BBX: variants seen among roughly 807,000 people sequenced by gnomAD.
BBX encodes BBX high mobility group box domain containing, also known as HMG box transcription factor BBX.
In BBX, 30 loss-of-function variants were observed where a neutral mutation model predicts 100.2. That is an observed-to-expected ratio of 0.30 (90% CI 0.22 to 0.41). BBX has a LOEUF of 0.41. BBX is among the 10% of genes least tolerant of loss of function. The probability of loss-of-function intolerance (pLI) is 1.00; values close to 1 mark genes in which losing one functional copy is unlikely to be tolerated. For synonymous variants in BBX, 376 were observed against 388.1 expected, an observed-to-expected ratio of 0.97 and a Z score of 0.37; for missense variants, 1,023 against 1,129.8, an observed-to-expected ratio of 0.91 and a Z score of 1.35.
chr3:107,742,818 A>G (rs902710237), intron 7 of BBX, among the ~76,000 whole-genome samples: 3 of 152,226 alleles, frequency 2.0e-5, no homozygotes, highest in Non-Finnish European at 2.9e-5. Context: ...GAAGTTTTAT[A>G]TAAGACCATC....
intron 12 of BBX, chr3:107,776,073 A>G (rs994569650): frequency 6.6e-6 from 1 of 152,136 alleles, no homozygotes; most frequent in South Asian, 2.1e-4. Context: ...GCAGAATATC[A>G]TTTTAAAATG....
At chr3:107,704,954 G>C (rs2061306957) in intron 3 of BBX, among the ~76,000 whole-genome samples, 1 of 152,146 alleles carries the variant, frequency 6.6e-6, no homozygotes, top group Admixed American at 6.6e-5. Flanking sequence ...GAAAATGGGA[G>C]ACTTTTAAGG....
chr3:107,687,630 A>T (rs867108984), intron 3 of BBX, among the ~76,000 whole-genome samples: 2 of 152,098 alleles, frequency 1.3e-5, no homozygotes, highest in Non-Finnish European at 2.9e-5. Flanking sequence ...CTGACATTGG[A>T]TCTATTTTTC....
At chr3:107,668,336 C>T (rs538844175) in intron 3 of BBX, among the ~76,000 whole-genome samples, 1 of 152,214 alleles carries the variant, frequency 6.6e-6, no homozygotes, top group South Asian at 2.1e-4. Flanking sequence ...ACATTATTGC[C>T]CTTAGGTTAA....
intron 1 of BBX, chr3:107,525,472 C>G (rs1301323257): frequency 1.3e-5 from 2 of 152,394 alleles, no homozygotes; most frequent in African/African-American, 4.8e-5. Flanking sequence ...GTTTAGCAGA[C>G]TTTTACGCCC....
intron 2 of BBX, among the ~76,000 whole-genome samples, chr3:107,615,764 T>G (rs1489436860): frequency 2.0e-5 from 3 of 152,138 alleles, no homozygotes; most frequent in Non-Finnish European, 4.4e-5. Context: ...ATACCTAGAT[T>G]GAGATATTCA....
intron 3 of BBX, among the ~76,000 whole-genome samples, chr3:107,665,423 T>A (rs1378362610): frequency 2.0e-5 from 3 of 152,186 alleles, no homozygotes; most frequent in Non-Finnish European, 2.9e-5. Flanking sequence ...TTTTGTATTC[T>A]ATCTTCTAAT....
chr3:107,648,551 T>C (rs1325807588), intron 3 of BBX, among the ~76,000 whole-genome samples: 1 of 152,118 alleles, frequency 6.6e-6, no homozygotes, highest in African/African-American at 2.4e-5. Context: ...AATATATTAA[T>C]CGTACTAGAT....
At chr3:107,661,910 A>G (rs1364799862) in intron 3 of BBX, 1 of 984,372 alleles carries the variant, frequency 1.0e-6, no homozygotes, top group Non-Finnish European at 1.2e-6. Flanking sequence ...TCACTGGGAT[A>G]TTGAGAAATA....
intron 13 of BBX, among the ~76,000 whole-genome samples, chr3:107,786,229 T>C (rs968728697): frequency 3.3e-5 from 5 of 152,146 alleles, no homozygotes; most frequent in Admixed American, 1.3e-4. Context: ...ATTGTTAAGA[T>C]GGAAACACTC....
chr3:107,731,062 T>C (rs1010685159), intron 6 of BBX, among the ~76,000 whole-genome samples: 1 of 152,198 alleles, frequency 6.6e-6, no homozygotes, highest in African/African-American at 2.4e-5. Context: ...GGGAAAGCTG[T>C]GTAGATTGTA....
intron 2 of BBX, among the ~76,000 whole-genome samples, chr3:107,629,805 C>G (rs1052376413): frequency 6.6e-5 from 10 of 152,176 alleles, no homozygotes; most frequent in African/African-American, 2.4e-4. Flanking sequence ...CCAACCACAT[C>G]TCTTCCTTAT....
At position 107,772,755 on chromosome 3, in the gene BBX, C is replaced by G. The variant is rs1457477142; in HGVS notation, c.1034C>G (p.Thr345Arg). Residue 345 changes from threonine to arginine, a missense_variant, in exon 11 of 18, where the codon ACA becomes AGA. Thr to Arg is a moderately conservative substitution (Grantham distance 71). This residue lies in a region of BBX where 348 missense variants were observed against 353.2 expected (regional missense o/e 0.99). Coordinates refer to ENST00000325805, the MANE Select transcript of BBX (RefSeq NM_001142568.3). ...GAAAAAGAAATTAAAATGGAGAAAA[C>G]AGATGAAACTAGGTTACAGAAGGAA... ...KEEKEIKMEK[T>R]DETRLQKEAE... The G allele has an allele frequency of 6.2e-7, 1 of 1,612,572 alleles. No homozygotes were observed. Among genetic ancestry groups the G allele is most frequent in the Non-Finnish European group, 8.5e-7 (1 of 1,179,658 alleles).
intron 13 of BBX, among the ~76,000 whole-genome samples, chr3:107,786,493 C>T (rs377520235): frequency 6.6e-6 from 1 of 152,070 alleles, no homozygotes; most frequent in Non-Finnish European, 1.5e-5. Context: ...TGTCATAAAC[C>T]TGACATTTTT....
At chr3:107,566,247 T>A (rs1260464686) in intron 2 of BBX, among the ~76,000 whole-genome samples, 1 of 150,984 alleles carries the variant, frequency 6.6e-6, no homozygotes, top group Non-Finnish European at 1.5e-5. Context: ...TCTTAAGTGG[T>A]TAATGTAGTG....
At chr3:107,632,162 C>T (rs978965966) in intron 2 of BBX, among the ~76,000 whole-genome samples, 5 of 152,020 alleles carry the variant, frequency 3.3e-5, no homozygotes, top group Admixed American at 6.6e-5. Flanking sequence ...CTGCAACCTC[C>T]GCCTCCTGGG....
chr3:107,523,218 AGCGGCG>A (rs3833481), intron 1 of BBX, 111 bp downstream of exon 1: 67 of 217,842 alleles, frequency 3.1e-4, no homozygotes, highest in South Asian at 5.4e-4. Flanking sequence ...CGGCAGGAGC[AGCGGCG>A]GCGGCGGCGG....
intron 3 of BBX, among the ~76,000 whole-genome samples, chr3:107,687,128 T>A (rs933205027): frequency 1.1e-4 from 16 of 152,084 alleles, no homozygotes; most frequent in Admixed American, 1.0e-3. Flanking sequence ...AGAAAGCACA[T>A]CAGAAATGTT....
At position 107,660,195 on chromosome 3, in the gene BBX, T is replaced by C. The variant is rs1439032111; in HGVS notation, c.-10+14286T>C. Among the ~76,000 whole-genome samples the C allele has an allele frequency of 3.3e-5, 5 of 152,176 alleles. No homozygotes were observed. The East Asian group carries it at 7.7e-4, about 23-fold the overall frequency. On this transcript the variant is annotated intron_variant, in intron 3 of 17. Coordinates refer to ENST00000325805, the MANE Select transcript of BBX (RefSeq NM_001142568.3). Reference sequence around the variant, plus strand: ...CAGACTCTGAAATAATATAATTGACTAATTTGGAATTTATAAGTTAAATTT... The same window carrying C: ...CAGACTCTGAAATAATATAATTGACCAATTTGGAATTTATAAGTTAAATTT...
Sources: allele counts gnomAD v4.1 joint callset (sites outside exome capture counted in the v4.1 genomes callset), GRCh38; gene constraint gnomAD v4.1.1; regional missense constraint gnomAD v4.1.1; transcripts MANE v1.5; gene names NCBI Gene and HGNC (gene_info 2026-07-23, HGNC 2026-07-21).